TACC2: variants seen among roughly 807,000 people sequenced by gnomAD.
TACC2 encodes transforming acidic coiled-coil-containing protein 2.
TACC2 carries 137 observed loss-of-function variants against 227.3 expected under a neutral mutation model. The observed-to-expected ratio is 0.60, with a 90% confidence interval of 0.52 to 0.69. The LOEUF (loss-of-function observed/expected upper bound fraction) is 0.69, where lower values mean the gene tolerates loss of function less well. Ranked by LOEUF, TACC2 falls within the 30% of genes least tolerant of loss-of-function variation. The pLI, the probability that TACC2 is intolerant of heterozygous loss-of-function variation, is 0.00. For missense variants in TACC2, 3,470 were observed against 3,694.4 expected (o/e 0.94, Z 1.57); for synonymous variants, 1,523 against 1,487.5 (o/e 1.02, Z -0.55).
chr10:122,024,318 T>G (rs1159169397), intron 2 of TACC2, among the ~76,000 whole-genome samples: 3 of 152,100 alleles, frequency 2.0e-5, no homozygotes, highest in Non-Finnish European at 2.9e-5. Flanking sequence ...GTGAGCCATG[T>G]TTGCACTACT....
intron 3 of TACC2, among the ~76,000 whole-genome samples, chr10:122,058,844 A>G (rs2136348759): frequency 6.6e-6 from 1 of 152,028 alleles, no homozygotes; most frequent in South Asian, 2.1e-4. Context: ...GGGACATCTA[A>G]AGTGAGAGCT....
At chr10:122,082,257 A>G (rs1273020088) in intron 3 of TACC2, among the ~76,000 whole-genome samples, 2 of 152,186 alleles carry the variant, frequency 1.3e-5, no homozygotes, top group African/African-American at 4.8e-5. Context: ...GCAGTAAGCT[A>G]TCATTGTGCC....
In TACC2 at chr10:122,034,151, C is replaced by CA. The variant is rs137962512; in HGVS notation, c.33+12159dup. ...TGGGTGACAGAGTGAGACTCTGTCTCAAAAAAAAAAAAAAAAAAAAAAGAG... is the reference window on the plus strand; with the variant it reads ...TGGGTGACAGAGTGAGACTCTGTCTCAAAAAAAAAAAAAAAAAAAAAAAGAG... On this transcript the variant is annotated intron_variant, in intron 2 of 22. Transcript: ENST00000369005. Among the ~76,000 whole-genome samples the CA allele has an allele frequency of 2.9e-3, 241 of 82,992 alleles. 3 individuals carry two copies. Among genetic ancestry groups the CA allele is most frequent in the African/African-American group, 4.3e-3 (94 of 21,670 alleles). The allele number at this position is 82,992 out of a possible 152,430, so 54.4% of individuals were successfully genotyped here.
chr10:122,072,071 C>T (rs377333055), intron 3 of TACC2, among the ~76,000 whole-genome samples: 1 of 148,538 alleles, frequency 6.7e-6, no homozygotes, highest in Non-Finnish European at 1.5e-5. Flanking sequence ...CTCCTCCTCT[C>T]GGGTTCACAC....
chr10:122,059,192 A>G (rs944566456), intron 3 of TACC2, among the ~76,000 whole-genome samples: 4 of 151,968 alleles, frequency 2.6e-5, no homozygotes, highest in South Asian at 2.1e-4. Context: ...CTGGGATTAT[A>G]GGCGTGAGCC....
chr10:122,155,453 T>C (rs1347567828), intron 7 of TACC2, among the ~76,000 whole-genome samples: 1 of 152,232 alleles, frequency 6.6e-6, no homozygotes, highest in African/African-American at 2.4e-5. Context: ...CAGAACGTTT[T>C]TGTGGTGCTT....
chr10:122,247,975 T>A (rs1010867584), intron 19 of TACC2: 16 of 152,240 alleles, frequency 1.1e-4, no homozygotes, highest in Non-Finnish European at 2.1e-4. Context: ...CAGAGGACAA[T>A]GGTTCCTCTC....
At chr10:122,038,830 A>G (rs1329783593) in intron 2 of TACC2, among the ~76,000 whole-genome samples, 2 of 152,040 alleles carry the variant, frequency 1.3e-5, no homozygotes, top group Admixed American at 6.6e-5. Flanking sequence ...AATTAAAACC[A>G]TTTTCTTTCT....
chr10:122,076,643 A>T (rs534346290), intron 3 of TACC2, among the ~76,000 whole-genome samples: 60 of 152,144 alleles, frequency 3.9e-4, no homozygotes, highest in African/African-American at 1.4e-3. Context: ...GACACATTAG[A>T]CCTACCAGTG....
At chr10:122,043,874 C>T (rs2074657141) in intron 2 of TACC2, among the ~76,000 whole-genome samples, 1 of 152,198 alleles carries the variant, frequency 6.6e-6, no homozygotes, top group Admixed American at 6.5e-5. Flanking sequence ...GCCACTGTGC[C>T]TGGCCAAATT....
chr10:122,119,891 C>T (rs1055645400), intron 5 of TACC2, among the ~76,000 whole-genome samples: 16 of 151,138 alleles, frequency 1.1e-4, no homozygotes, highest in African/African-American at 3.7e-4. Context: ...TGTACTCTGG[C>T]CTGGGCAACA....
chr10:122,091,069 A>T (rs549453881), intron 5 of TACC2, among the ~76,000 whole-genome samples: 1 of 152,262 alleles, frequency 6.6e-6, no homozygotes, highest in Non-Finnish European at 1.5e-5. Context: ...CTGAAATTGC[A>T]TGACTGATTA....
chr10:122,176,095 CTCTCTCTCTCTCTCTCTCTCTCTATATA>C (rs1305225921), intron 7 of TACC2, among the ~76,000 whole-genome samples: 1,429 of 83,480 alleles, frequency 0.017, 12 homozygotes, highest in Non-Finnish European at 0.024. Flanking sequence ...CTCTCTCTCT[CTCTCTCTCTCTCTCTCTCTCTCTATATA>C]TATATATATA....
chr10:122,215,244 C>A, intron 9 of TACC2, 147 bp from the exon 10 acceptor site: 1 of 664,348 alleles, frequency 1.5e-6, no homozygotes, highest in Non-Finnish European at 2.7e-6. Context: ...GCCGGCGTGG[C>A]CTCTCGCTGG....
chr10:122,042,047 G>T (rs879349302), intron 2 of TACC2, among the ~76,000 whole-genome samples: 2 of 152,124 alleles, frequency 1.3e-5, no homozygotes, highest in Non-Finnish European at 2.9e-5. Context: ...CCAGGTTCAC[G>T]CCATTCTTCT....
At chr10:121,993,454 C>T (rs879345625) in intron 1 of TACC2, among the ~76,000 whole-genome samples, 2 of 152,134 alleles carry the variant, frequency 1.3e-5, no homozygotes, top group African/African-American at 4.8e-5. Context: ...TTTCCCTGCT[C>T]CCGAGTCCAC....
At chr10:122,105,641 A>ATTTTTTT (rs2082675939) in intron 5 of TACC2, among the ~76,000 whole-genome samples, 1 of 147,534 alleles carries the variant, frequency 6.8e-6, no homozygotes. Flanking sequence ...TTTTTTTGAG[A>ATTTTTTT]TGGAGTCTTG....
chr10:122,005,682 CCTTTTTTTTTTTTTT>C (rs1443615971), intron 1 of TACC2, among the ~76,000 whole-genome samples: 10 of 38,146 alleles, frequency 2.6e-4, no homozygotes, highest in African/African-American at 6.0e-4. Flanking sequence ...CCGTGCCTGG[CCTTTTTTTTTTTTTT>C]CTTTTTTTTT....
intron 15 of TACC2, 25 bp downstream of exon 15, chr10:122,229,511 TG>T (rs761600274): frequency 1.2e-6 from 2 of 1,613,596 alleles, no homozygotes; most frequent in South Asian, 2.2e-5. Context: ...TGTGACCTTT[TG>T]GGAGTTTGTC....
Sources: allele counts gnomAD v4.1 joint callset (sites outside exome capture counted in the v4.1 genomes callset), GRCh38; gene constraint gnomAD v4.1.1; transcripts MANE v1.5; gene names NCBI Gene and HGNC (gene_info 2026-07-23, HGNC 2026-07-21).